Variants in RUNX2 observed in about 807,000 individuals in gnomAD.
RUNX2 encodes the protein runt-related transcription factor 2.
Under a neutral mutation model 51.7 loss-of-function variants are expected in RUNX2, and 10 were observed. That is an observed-to-expected ratio of 0.19 (90% CI 0.12 to 0.33). RUNX2 has a LOEUF of 0.33. Ranked by LOEUF, RUNX2 falls within the 10% of genes least tolerant of loss-of-function variation. The pLI is 1.00. For synonymous variants in RUNX2, 276 were observed against 273.6 expected (o/e 1.01, Z -0.09); for missense variants, 562 against 691.3 (o/e 0.81, Z 2.10).
chr6:45,430,464 A>G (rs1418715155), intron 3 of RUNX2, among the ~76,000 whole-genome samples: 1 of 152,120 alleles, frequency 6.6e-6, no homozygotes, highest in Non-Finnish European at 1.5e-5. Flanking sequence ...AAAAATATTG[A>G]CAAGTTTTTT....
intron 7 of RUNX2, among the ~76,000 whole-genome samples, chr6:45,524,072 C>G (rs953038162): frequency 6.6e-6 from 1 of 152,132 alleles, no homozygotes; most frequent in African/African-American, 2.4e-5. Context: ...GTGGACAACA[C>G]TTTGTTTCAA....
intron 2 of RUNX2, among the ~76,000 whole-genome samples, chr6:45,386,068 C>CTTTTTTTT (rs112684794): frequency 7.4e-6 from 1 of 135,044 alleles, no homozygotes; most frequent in African/African-American, 2.7e-5. Context: ...CTTATTAGTG[C>CTTTTTTTT]TTTTTTTTTT....
chr6:45,397,552 T>C (rs1797610396), intron 2 of RUNX2, among the ~76,000 whole-genome samples: 2 of 152,350 alleles, frequency 1.3e-5, no homozygotes, highest in South Asian at 4.1e-4. Context: ...TGTCTGATTA[T>C]AGCCATCCCA....
intron 2 of RUNX2, among the ~76,000 whole-genome samples, chr6:45,379,741 C>T (rs562807186): frequency 1.3e-5 from 2 of 152,246 alleles, no homozygotes; most frequent in African/African-American, 4.8e-5. Context: ...TGGCACGTGC[C>T]TGTAGTCCCA....
At chr6:45,532,245 G>T (rs1476413453) in intron 7 of RUNX2, among the ~76,000 whole-genome samples, 1 of 118,308 alleles carries the variant, frequency 8.5e-6, no homozygotes, top group Admixed American at 1.1e-4. Flanking sequence ...GCTTTTTAAT[G>T]AATGGGGACC....
chr6:45,451,563 G>A lies in RUNX2; in HGVS notation c.685+13512G>A, dbSNP rs148666510. Among the ~76,000 whole-genome samples the A allele has an allele frequency of 4.7e-3, 710 of 152,302 alleles. 5 individuals are homozygous for A. The highest frequency in any genetic ancestry group is 0.015 in the South Asian group (70 of 4,826). Reference sequence around the variant, plus strand: ...AGGATAAGTTGAAAGACTTGGGATCGTTTAGCTTCAAGAAGAGGAGACTGA... The same window carrying A: ...AGGATAAGTTGAAAGACTTGGGATCATTTAGCTTCAAGAAGAGGAGACTGA... On this transcript the variant is annotated intron_variant, in intron 5 of 8. Transcript: ENST00000647337.
chr6:45,417,451 A>T (rs1798088315), intron 2 of RUNX2, among the ~76,000 whole-genome samples: 1 of 152,234 alleles, frequency 6.6e-6, no homozygotes, highest in Admixed American at 6.5e-5. Context: ...TATTAAGTGA[A>T]AAATATTAAT....
intron 5 of RUNX2, among the ~76,000 whole-genome samples, chr6:45,448,915 T>C (rs947752640): frequency 4.6e-5 from 7 of 152,094 alleles, no homozygotes; most frequent in Admixed American, 4.6e-4. Context: ...AGGAGAAATA[T>C]AGATGTGTAA....
chr6:45,368,910 C>T (rs950541779), intron 2 of RUNX2, among the ~76,000 whole-genome samples: 2 of 151,786 alleles, frequency 1.3e-5, no homozygotes, highest in African/African-American at 2.4e-5. Context: ...ACTGAGTTTT[C>T]GTTTTGTTGT....
chr6:45,376,772 T>C (rs1210152228), intron 2 of RUNX2, among the ~76,000 whole-genome samples: 2 of 152,238 alleles, frequency 1.3e-5, no homozygotes, highest in East Asian at 1.9e-4. Flanking sequence ...AAGTAAATCT[T>C]TGCAGGGCGA....
chr6:45,422,833 G>A lies in RUNX2; in HGVS notation c.299G>A (p.Arg100His). Residue 100 changes from arginine to histidine, a missense_variant, in exon 3 of 9, where the codon CGC becomes CAC. By Grantham distance (29) the Arg-to-His change is conservative (BLOSUM62 0). Coordinates refer to ENST00000647337, the MANE Select transcript of RUNX2 (RefSeq NM_001024630.4). ...CGGTTGCGGCCGCCCCACGACAACCGCACCATGGTGGAGATCATCGCCGAC... is the reference window on the plus strand; with the variant it reads ...CGGTTGCGGCCGCCCCACGACAACCACACCATGGTGGAGATCATCGCCGAC... ...VPRLRPPHDNRTMVEIIADHP... is the reference protein window; with the variant it reads ...VPRLRPPHDNHTMVEIIADHP... 4.4e-6 allele frequency: 7 copies of A among 1,608,042 alleles called. No individual in the cohort carries two copies. The highest frequency in any genetic ancestry group is 5.9e-6 in the Non-Finnish European group (7 of 1,178,464).
chr6:45,438,665 C>A (rs187402678), intron 5 of RUNX2, among the ~76,000 whole-genome samples: 1 of 152,274 alleles, frequency 6.6e-6, no homozygotes, highest in Admixed American at 6.5e-5. Flanking sequence ...TCTGTCTGGA[C>A]ATCCAGAAGG....
chr6:45,437,725 G>T (rs1386206913), intron 4 of RUNX2, among the ~76,000 whole-genome samples: 1 of 152,116 alleles, frequency 6.6e-6, no homozygotes, highest in Non-Finnish European at 1.5e-5. Flanking sequence ...TTCCTGTGTA[G>T]CACTACAATG....
chr6:45,530,405 A>G (rs1484318840), intron 7 of RUNX2, among the ~76,000 whole-genome samples: 2 of 152,248 alleles, frequency 1.3e-5, no homozygotes, highest in Non-Finnish European at 2.9e-5. Context: ...AGTTCCAACA[A>G]GTGTAACAAG....
intron 6 of RUNX2, among the ~76,000 whole-genome samples, chr6:45,511,476 G>GA (rs1801144593): frequency 6.6e-6 from 1 of 152,130 alleles, no homozygotes; most frequent in South Asian, 2.1e-4. Context: ...GCTTAACATT[G>GA]AAACTGGCTG....
intron 2 of RUNX2, among the ~76,000 whole-genome samples, chr6:45,331,358 C>T (rs754360399): frequency 4.6e-5 from 7 of 151,930 alleles, no homozygotes; most frequent in Non-Finnish European, 4.4e-5. Context: ...ATCTTTGTAA[C>T]TGCTTGAACA....
chr6:45,382,944 G>C (rs1797272371), intron 2 of RUNX2, among the ~76,000 whole-genome samples: 1 of 152,128 alleles, frequency 6.6e-6, no homozygotes, highest in Admixed American at 6.5e-5. Context: ...TAGGGTTCTA[G>C]AGAAAGAGAG....
chr6:45,503,960 G>C (rs1012994707), intron 6 of RUNX2, among the ~76,000 whole-genome samples: 1 of 152,094 alleles, frequency 6.6e-6, no homozygotes, highest in African/African-American at 2.4e-5. Context: ...CCCATTGTTT[G>C]TGTTGTAATA....
At chr6:45,468,159 T>C (rs1002275257) in intron 5 of RUNX2, among the ~76,000 whole-genome samples, 2 of 152,230 alleles carry the variant, frequency 1.3e-5, no homozygotes, top group African/African-American at 4.8e-5. Context: ...TTTAGCCCCG[T>C]ACTTCTCAAA....
Sources: gnomAD v4.1 joint callset for allele counts (sites outside exome capture counted in the v4.1 genomes callset) on GRCh38, gnomAD v4.1.1 for gene constraint, MANE v1.5 for transcripts, NCBI Gene and HGNC (gene_info 2026-07-23, HGNC 2026-07-21) for gene names.